FMNL1: variants seen among roughly 807,000 people sequenced by gnomAD.
FMNL1 encodes the protein formin like 1.
In FMNL1, 43 loss-of-function variants were observed where a neutral mutation model predicts 121.3. The ratio of observed to expected loss-of-function variants is 0.35; its 90% confidence interval spans 0.28 to 0.46. The LOEUF is 0.46. Among genes scored for constraint, FMNL1 ranks in the 20% least tolerant of loss-of-function variants. The pLI is 1.00. For synonymous variants in FMNL1, 613 were observed against 613.5 expected (o/e 1.00, Z 0.01); for missense variants, 1,191 against 1,482.4 (o/e 0.80, Z 3.23).
intron 1 of FMNL1, among the ~76,000 whole-genome samples, chr17:45,229,162 T>C (rs1478718453): frequency 2.0e-5 from 3 of 152,082 alleles, no homozygotes; most frequent in African/African-American, 4.8e-5. Flanking sequence ...ACTTTCGCAA[T>C]AGGGGAGAGG....
At chr17:45,238,722 A>G (rs2043610505) in intron 10 of FMNL1, 84 bp downstream of exon 10, 5 of 1,530,276 alleles carry the variant, frequency 3.3e-6, no homozygotes, top group Non-Finnish European at 4.5e-6. Context: ...GTGCTGGGCA[A>G]TGGGCTCTGC....
chr17:45,233,523 C>T lies in FMNL1; in HGVS notation c.402-125C>T. 8.6e-7 allele frequency: 1 copy of T among 1,159,468 alleles called. No individual in the cohort carries two copies. The highest frequency in any genetic ancestry group is 1.2e-6 in the Non-Finnish European group (1 of 809,320). The allele number at this position is 1,159,468 out of a possible 1,614,324, so 71.8% of individuals were successfully genotyped here. A position where few individuals can be genotyped will look rare whatever the true frequency, so the allele number is the denominator to read the frequency against. On this transcript the variant is annotated intron_variant, in intron 4 of 26. Coordinates refer to ENST00000331495, the MANE Select transcript of FMNL1 (RefSeq NM_005892.4). The surrounding 1 kb of genome is among the most constrained non-coding windows in gnomAD (Gnocchi z 4.1). Reference sequence around the variant, plus strand: ...GGACCCACCTGAGTCTCCCAGAATCCTTTGGTATCATTGGGTCTTTGGGGG... The same window carrying T: ...GGACCCACCTGAGTCTCCCAGAATCTTTTGGTATCATTGGGTCTTTGGGGG...
At chr17:45,239,754 C>G (rs1465809869) in intron 11 of FMNL1, among the ~76,000 whole-genome samples, 3 of 151,724 alleles carry the variant, frequency 2.0e-5, no homozygotes, top group South Asian at 2.1e-4. Flanking sequence ...GCCTTGAAAA[C>G]ATGCTAAGTG....
At position 45,233,043 on chromosome 17, in the gene FMNL1, T is replaced by G. The variant is rs1203071054; in HGVS notation, c.328-181T>G. ...GCTTGTCTATGTATGGGGGAGCACA[T>G]GTAGCCTGTGAGTTCTTATTCTGCT... is the stretch of plus-strand genomic sequence containing the variant. On this transcript the variant is annotated intron_variant, in intron 3 of 26. Transcript: ENST00000331495. This position sits in a 1 kb window ranked among gnomAD's most constrained non-coding sequence, Gnocchi z 4.1. The G allele has an allele frequency of 1.4e-6, 1 of 691,104 alleles. No homozygotes were observed. The highest frequency in any genetic ancestry group is 2.8e-5 in the East Asian group (1 of 35,688). The allele number at this position is 691,104 out of a possible 1,614,324, so 42.8% of individuals were successfully genotyped here.
intron 16 of FMNL1, 125 bp from the exon 17 acceptor site, chr17:45,242,993 T>C: frequency 4.8e-6 from 5 of 1,039,294 alleles, no homozygotes; most frequent in Non-Finnish European, 7.1e-6. Context: ...GTGGTCAGGC[T>C]GGGTTACTGG....
intron 6 of FMNL1, chr17:45,234,619 G>C (rs1198266523): frequency 5.0e-6 from 1 of 200,460 alleles, no homozygotes; most frequent in Non-Finnish European, 9.6e-6. Flanking sequence ...AGCTGAGATC[G>C]CACCACTGCA....
chr17:45,242,241 C>G, intron 15 of FMNL1, 95 bp downstream of exon 15: 6 of 1,573,634 alleles, frequency 3.8e-6, no homozygotes, highest in Non-Finnish European at 5.2e-6. Context: ...GCCTGGGGGC[C>G]TCCTGCTGCC....
chr17:45,239,695 T>A (rs1047697846), intron 11 of FMNL1, among the ~76,000 whole-genome samples: 6 of 152,150 alleles, frequency 3.9e-5, no homozygotes, highest in African/African-American at 1.4e-4. Context: ...GGAGTATTAT[T>A]CAGCCACAAG....
intron 1 of FMNL1, among the ~76,000 whole-genome samples, chr17:45,223,330 C>T (rs951639010): frequency 6.6e-6 from 1 of 152,196 alleles, no homozygotes; most frequent in Non-Finnish European, 1.5e-5. Context: ...CCTCCATCTC[C>T]TTGACATCAT....
chr17:45,239,013 G>A lies in FMNL1; in HGVS notation c.1028G>A (p.Arg343His), dbSNP rs1433955464. ...CATTCGGTGGAGAACATGAACTTCC[G>A]TGTCTTCCTGCAATATGAGTTCACC... ...VVHSVENMNF[R>H]VFLQYEFTHL... Residue 343 changes from arginine to histidine, a missense_variant, in exon 11 of 27, where the codon CGT becomes CAT. Around this residue, in one of 4 missense-constraint regions of FMNL1, gnomAD observed 253 missense variants for 417.5 expected, o/e 0.61. Coordinates refer to ENST00000331495, the MANE Select transcript of FMNL1 (RefSeq NM_005892.4). 4.3e-6 allele frequency: 7 copies of A among 1,614,168 alleles called. No individual in the cohort carries two copies. Among genetic ancestry groups the A allele is most frequent in the Admixed American group, 1.7e-5 (1 of 60,028 alleles).
rs1379478992 is a variant in FMNL1, at chr17:45,233,777, A to G, written c.485+46A>G. The G allele has an allele frequency of 3.7e-6, 6 of 1,607,784 alleles. No homozygotes were observed. In the South Asian group the frequency reaches 6.6e-5, roughly 18 times the overall value. ...CCTCATGCCGCTCCTCAGAGCTTTG[A>G]TCCCCGTCTCCCTGCATCTCACCCA... On this transcript the variant is annotated intron_variant, in intron 5 of 26. Coordinates refer to ENST00000331495, the MANE Select transcript of FMNL1 (RefSeq NM_005892.4). This position sits in a 1 kb window ranked among gnomAD's most constrained non-coding sequence, Gnocchi z 4.1.
At position 45,234,136 on chromosome 17, in the gene FMNL1, T is replaced by C; in HGVS notation, c.550T>C (p.Ser184Pro). ...NSEKNKPLEQ[S>P]VEDLSKGPPS... is the part of the protein sequence containing the mutation. ...AGAGAAAAACAAGCCCCTGGAGCAG[T>C]CTGTGGAAGACCTCAGCAAGGGTCC... The change falls in exon 6 of 27, where the codon TCT becomes CCT. Residue 184 changes from serine to proline, a missense_variant. Physicochemically the swap from Ser to Pro is moderately conservative, Grantham distance 74. Transcript: ENST00000331495. 6.2e-7 allele frequency: 1 copy of C among 1,614,044 alleles called. No individual in the cohort carries two copies. Among genetic ancestry groups the C allele is most frequent in the Non-Finnish European group, 8.5e-7 (1 of 1,179,996 alleles).
rs535975189 is a variant in FMNL1, at chr17:45,232,844, T to C, written c.327+364T>C. 2,146 of 382,678 alleles carry C rather than the reference T, an allele frequency of 5.6e-3. 33 individuals are homozygous for C. Among genetic ancestry groups the C allele is most frequent in the African/African-American group, 0.041 (1,895 of 46,610 alleles). 23.7% of individuals were successfully genotyped at this position (382,678 alleles called of 1,614,324 possible). A position where few individuals can be genotyped will look rare whatever the true frequency, so the allele number is the denominator to read the frequency against. ...GTCCATATCTAGGAGAGAGAGAGAA[T>C]GTGTGTGTGTGTGTGTCCATGTATG... On this transcript the variant is annotated intron_variant, in intron 3 of 26. Coordinates refer to ENST00000331495, the MANE Select transcript of FMNL1 (RefSeq NM_005892.4).
At chr17:45,246,475 C>T (rs777777034) in intron 25 of FMNL1, 30 bp from the exon 26 acceptor site, 2 of 1,613,884 alleles carry the variant, frequency 1.2e-6, no homozygotes, top group African/African-American at 1.3e-5. Flanking sequence ...CCTTTCTCTA[C>T]TCCCCTTCAC....
chr17:45,222,344 AG>A, intron 1 of FMNL1, 91 bp downstream of exon 1: 1 of 1,042,994 alleles, frequency 9.6e-7, no homozygotes, highest in Non-Finnish European at 1.2e-6. Flanking sequence ...CCGGGGACTC[AG>A]GTGCCGCTTG....
chr17:45,228,376 G>A (rs1394691306), intron 1 of FMNL1, among the ~76,000 whole-genome samples: 1 of 152,194 alleles, frequency 6.6e-6, no homozygotes, highest in Non-Finnish European at 1.5e-5. Context: ...GGTGCTCCAG[G>A]CCCCAGCAGA....
chr17:45,240,870 G>A, intron 12 of FMNL1: 1 of 719,186 alleles, frequency 1.4e-6, no homozygotes, highest in South Asian at 1.9e-5. Context: ...CAGACCCCAG[G>A]TGAACTGAAA....
chr17:45,240,968 C>A, intron 12 of FMNL1, 161 bp from the exon 13 acceptor site: 1 of 848,712 alleles, frequency 1.2e-6, no homozygotes, highest in Non-Finnish European at 1.9e-6. Flanking sequence ...TCCTTATTTG[C>A]TTGGGTTCGA....
rs753488241 is a variant in FMNL1 at position 45,244,879 on chromosome 17, C to T, written c.2578C>T (p.Arg860Trp). ...CAAGCGTGGGGCAGCCTATGGCTTC[C>T]GGCTCCAGAGCCTGGATGCGGTGAG... ...SSKRGAAYGF[R>W]LQSLDALLEM... The change falls in exon 20 of 27, where the codon CGG becomes TGG. Residue 860 changes from arginine (R) to tryptophan (W), a missense_variant. Transcript: ENST00000331495. The T allele has an allele frequency of 6.2e-7, 1 of 1,613,786 alleles. No homozygotes were observed. The highest frequency in any genetic ancestry group is 8.5e-7 in the Non-Finnish European group (1 of 1,179,854).
Sources: gnomAD v4.1 joint callset for allele counts (sites outside exome capture counted in the v4.1 genomes callset) on GRCh38, gnomAD v4.1.1 for gene constraint, gnomAD v4.1.1 regional missense constraint, Gnocchi (gnomAD v3.1) non-coding constraint, MANE v1.5 for transcripts, NCBI Gene and HGNC (gene_info 2026-07-23, HGNC 2026-07-21) for gene names.